The following DOCK7 variants were observed in gnomAD, a reference collection of about 807,000 sequenced individuals.
DOCK7 encodes the protein dedicator of cytokinesis protein 7.
DOCK7 carries 138 observed loss-of-function variants against 271.0 expected under a neutral mutation model. The ratio of observed to expected loss-of-function variants is 0.51; its 90% confidence interval spans 0.44 to 0.59. DOCK7 has a LOEUF of 0.59. DOCK7 is among the 20% of genes least tolerant of loss of function. The pLI, the probability that DOCK7 is intolerant of heterozygous loss-of-function variation, is 0.00. For synonymous variants in DOCK7, 823 were observed against 876.1 expected, an observed-to-expected ratio of 0.94 and a Z score of 1.07; for missense variants, 2,066 against 2,592.4, an observed-to-expected ratio of 0.80 and a Z score of 4.41.
chr1:62,598,711 C>G, intron 14 of DOCK7: 1 of 1,607,834 alleles, frequency 6.2e-7, no homozygotes, highest in African/African-American at 1.3e-5. Context: ...TGTAGAAAAA[C>G]AAGATAATAG....
chr1:62,540,239 T>TC (rs1308899746), intron 25 of DOCK7, among the ~76,000 whole-genome samples: 1 of 151,884 alleles, frequency 6.6e-6, no homozygotes, highest in East Asian at 1.9e-4. Flanking sequence ...AGTGGCATGA[T>TC]CACAGCTCAC....
chr1:62,637,942 A>G (rs1655482468), intron 7 of DOCK7, among the ~76,000 whole-genome samples: 1 of 152,220 alleles, frequency 6.6e-6, no homozygotes, highest in Non-Finnish European at 1.5e-5. Flanking sequence ...TACATCCCTT[A>G]GTAAAACCCA....
chr1:62,590,867 A>G (rs908307020), intron 14 of DOCK7, among the ~76,000 whole-genome samples: 2 of 152,212 alleles, frequency 1.3e-5, no homozygotes, highest in African/African-American at 2.4e-5. Context: ...GGTTGTGGAG[A>G]AAAGGGAACA....
chr1:62,597,809 T>C lies in DOCK7; in HGVS notation c.1683-11185A>G, dbSNP rs141150415. The stretch of plus-strand genomic sequence containing the variant: ...AAAAACTCAACATATTTGATCAGTC[T>C]TTTTATGATCTATCGCTGCAAACCA... On this transcript the variant is annotated intron_variant, in intron 14 of 49. Coordinates refer to ENST00000635253, the MANE Select transcript of DOCK7 (RefSeq NM_001367561.1). 50 of 1,613,244 alleles carry C rather than the reference T, an allele frequency of 3.1e-5. No individual in the cohort carries two copies. Among genetic ancestry groups the C allele is most frequent in the Middle Eastern group, 3.3e-4 (2 of 6,068 alleles).
rs1290313096 is a variant in DOCK7 at position 62,663,126 on chromosome 1, C to A, written c.43G>T (p.Val15Leu). 1 of 1,610,884 alleles carries A rather than the reference C, an allele frequency of 6.2e-7. No homozygotes were observed. ...RAFAQKISRTVAAEVRKQISG... is the reference protein window; with the variant it reads ...RAFAQKISRTLAAEVRKQISG... ...ATCTGCTTCCTAACTTCGGCTGCCA[C>A]CGTTCTACAATGAAGAAAGCAAAAA... The change falls in exon 2 of 50, where the codon GTG (valine) becomes TTG (leucine). Residue 15 changes from valine (V) to leucine (L), a missense_variant. Val to Leu is a conservative substitution (Grantham distance 32). Around this residue, in one of 2 missense-constraint regions of DOCK7, gnomAD observed 1,414 missense variants for 1,670.4 expected, o/e 0.85. Coordinates refer to ENST00000635253, the MANE Select transcript of DOCK7 (RefSeq NM_001367561.1).
intron 20 of DOCK7, among the ~76,000 whole-genome samples, chr1:62,558,306 C>A (rs1248612160): frequency 1.3e-5 from 2 of 152,086 alleles, no homozygotes; most frequent in African/African-American, 2.4e-5. Context: ...ATTATTTCTA[C>A]TTATAAATCT....
At chr1:62,638,976 T>C (rs1328271253) in intron 7 of DOCK7, among the ~76,000 whole-genome samples, 2 of 152,122 alleles carry the variant, frequency 1.3e-5, no homozygotes, top group African/African-American at 2.4e-5. Context: ...ATTAACAGCA[T>C]TCATTTGGCA....
At chr1:62,619,163 G>A (rs1046218865) in intron 13 of DOCK7, among the ~76,000 whole-genome samples, 8 of 152,112 alleles carry the variant, frequency 5.3e-5, no homozygotes, top group African/African-American at 1.9e-4. Flanking sequence ...GAGGGATCTG[G>A]CATAGGAACA....
At chr1:62,562,378 C>T (rs577316151) in intron 18 of DOCK7, among the ~76,000 whole-genome samples, 2 of 151,902 alleles carry the variant, frequency 1.3e-5, no homozygotes, top group African/African-American at 4.8e-5. Flanking sequence ...ACACGCCCAG[C>T]TAATTTTTGT....
intron 44 of DOCK7, 86 bp from the exon 45 acceptor site, chr1:62,476,242 T>C (rs969820879): frequency 2.2e-5 from 20 of 902,830 alleles, no homozygotes; most frequent in Middle Eastern, 3.3e-4. Context: ...TGAGCAAAAT[T>C]AGGAGAATTA....
chr1:62,492,574 C>T, intron 41 of DOCK7, 130 bp downstream of exon 41: 1 of 1,138,716 alleles, frequency 8.8e-7, no homozygotes, highest in Non-Finnish European at 1.3e-6. Context: ...AGGCATGAGC[C>T]ACCATACTGG....
chr1:62,549,551 T>C lies in DOCK7; in HGVS notation c.2766+3181A>G, dbSNP rs1324545692. ...ATAGTAGACATATGTATTTATGGTT[T>C]ACATGAAATATTTTGATAAAGATGT... On this transcript the variant is annotated intron_variant, in intron 22 of 49. Transcript: ENST00000635253. 3.3e-5 allele frequency among the ~76,000 whole-genome samples: 5 copies of C among 152,218 alleles called. No homozygotes were observed. The East Asian group carries it at 9.6e-4, about 29-fold the overall frequency.
intron 14 of DOCK7, among the ~76,000 whole-genome samples, chr1:62,593,737 A>G: frequency 6.6e-6 from 1 of 152,204 alleles, no homozygotes; most frequent in East Asian, 1.9e-4. Context: ...CACTGTCCAA[A>G]AAGACGGTCT....
chr1:62,501,290 A>G (rs1646776597), intron 37 of DOCK7, among the ~76,000 whole-genome samples: 1 of 152,220 alleles, frequency 6.6e-6, no homozygotes, highest in Non-Finnish European at 1.5e-5. Flanking sequence ...ACTGGTGGTA[A>G]GCAATATTTC....
Position 62,510,733 on chromosome 1 carries a change from T to C in DOCK7, c.4283-60A>G, listed in dbSNP as rs560801908. On this transcript the variant is annotated intron_variant, in intron 33 of 49. Transcript: ENST00000635253. ...TTATTTCAGTTGGACCACATATATG[T>C]ATACTTGCAATCATGTAAGAAATAT... 59 of 1,270,404 alleles carry C rather than the reference T, an allele frequency of 4.6e-5. 3 individuals are homozygous for C. The South Asian group carries it at 5.3e-4, about 11-fold the overall frequency. The allele number at this position is 1,270,404 out of a possible 1,614,324, so 78.7% of individuals were successfully genotyped here.
At chr1:62,617,159 T>C (rs144381701) in intron 14 of DOCK7, among the ~76,000 whole-genome samples, 3 of 151,320 alleles carry the variant, frequency 2.0e-5, no homozygotes, top group Admixed American at 6.6e-5. Flanking sequence ...AGATGACAAT[T>C]GTACAGTAAG....
chr1:62,662,885 C>T, intron 2 of DOCK7, 140 bp downstream of exon 2: 1 of 558,708 alleles, frequency 1.8e-6, no homozygotes, highest in Non-Finnish European at 3.0e-6. Context: ...TCTCCCAACT[C>T]AGATTTCAAC....
In DOCK7 at chr1:62,648,498, G is replaced by C; in HGVS notation, c.436C>G (p.Gln146Glu). ...GGCAAACCTTTTTGCCTTTCTTTCT[G>C]TTTATCTAATGTATTGGGATTAAAT... ...TGFNPNTLDK[Q>E]KERQKGLPKQ... The change falls in exon 5 of 50, where the codon CAG becomes GAG. Residue 146 changes from glutamine (Q) to glutamate (E), a missense_variant. Gln to Glu is a conservative substitution (Grantham distance 29). Around this residue, in one of 2 missense-constraint regions of DOCK7, gnomAD observed 1,414 missense variants for 1,670.4 expected, o/e 0.85. Coordinates refer to ENST00000635253, the MANE Select transcript of DOCK7 (RefSeq NM_001367561.1). 6.7e-7 allele frequency: 1 copy of C among 1,493,952 alleles called. No individual in the cohort carries two copies. The highest frequency in any genetic ancestry group is 9.0e-7 in the Non-Finnish European group (1 of 1,108,100). 92.5% of individuals were successfully genotyped at this position (1,493,952 alleles called of 1,614,324 possible). A position where few individuals can be genotyped will look rare whatever the true frequency, so the allele number is the denominator to read the frequency against.
In DOCK7 at chr1:62,455,383, T is replaced by C; in HGVS notation, c.*31A>G. On this transcript the variant is annotated 3_prime_UTR_variant, in exon 50 of 50. Transcript: ENST00000635253. The stretch of plus-strand genomic sequence containing the variant: ...ACACTCGATGTTGAATACATGGCTC[T>C]TTGCAGATGAATAAAACAAGTGCAT... The C allele has an allele frequency of 1.2e-6, 2 of 1,610,230 alleles. No homozygotes were observed. Among genetic ancestry groups the C allele is most frequent in the Non-Finnish European group, 1.7e-6 (2 of 1,176,938 alleles).
Sources: allele counts gnomAD v4.1 joint callset (sites outside exome capture counted in the v4.1 genomes callset), GRCh38; gene constraint gnomAD v4.1.1; regional missense constraint gnomAD v4.1.1; transcripts MANE v1.5; gene names NCBI Gene and HGNC (gene_info 2026-07-23, HGNC 2026-07-21).